Variants in GPR176 observed in about 807,000 individuals in gnomAD.
GPR176 encodes the protein G protein-coupled receptor 176.
In GPR176, 26 loss-of-function variants were observed where a neutral mutation model predicts 35.4. The observed-to-expected ratio is 0.74, with a 90% CI of 0.54 to 1.02. GPR176 has a LOEUF of 1.02. GPR176 is among the 50% of genes least tolerant of loss of function. GPR176 has a pLI of 0.00. For missense variants in GPR176, 597 were observed against 665.3 expected (o/e 0.90, Z 1.13); for synonymous variants, 278 against 271.3 (o/e 1.02, Z -0.24).
At chr15:39,834,492 C>A (rs933440534) in intron 1 of GPR176, among the ~76,000 whole-genome samples, 6 of 152,032 alleles carry the variant, frequency 3.9e-5, no homozygotes, top group Admixed American at 3.9e-4. Context: ...CATTATACCA[C>A]TTAAGATTAG....
intron 2 of GPR176, among the ~76,000 whole-genome samples, chr15:39,804,496 G>A (rs1198173379): frequency 6.6e-6 from 1 of 151,914 alleles, no homozygotes; most frequent in African/African-American, 2.4e-5. Context: ...ATTTCTTACT[G>A]TTTTCGTATT....
intron 1 of GPR176, among the ~76,000 whole-genome samples, chr15:39,825,022 C>A (rs1205956837): frequency 6.6e-6 from 1 of 152,082 alleles, no homozygotes; most frequent in Non-Finnish European, 1.5e-5. Context: ...CTAGGCAACA[C>A]AGGGAGACCC....
chr15:39,853,916 C>T (rs1388598088), intron 1 of GPR176, among the ~76,000 whole-genome samples: 2 of 152,090 alleles, frequency 1.3e-5, no homozygotes, highest in Non-Finnish European at 2.9e-5. Context: ...GTTAGCCTTA[C>T]AATTATCATC....
intron 1 of GPR176, among the ~76,000 whole-genome samples, chr15:39,866,870 T>G (rs2031852718): frequency 6.6e-6 from 1 of 152,062 alleles, no homozygotes; most frequent in Non-Finnish European, 1.5e-5. Flanking sequence ...AAAGTCAGAT[T>G]GGAAAGCATA....
chr15:39,874,599 A>T (rs1257412041), intron 1 of GPR176, among the ~76,000 whole-genome samples: 2 of 152,322 alleles, frequency 1.3e-5, no homozygotes, highest in East Asian at 3.9e-4. Context: ...TCTCTTGCAT[A>T]CTTAGGGAAG....
chr15:39,807,491 C>A (rs1899272199), intron 1 of GPR176: 1 of 1,303,886 alleles, frequency 7.7e-7, no homozygotes, highest in South Asian at 1.6e-5. Context: ...GTGAGTTTCT[C>A]TATTTAATTT....
intron 1 of GPR176, among the ~76,000 whole-genome samples, chr15:39,886,867 G>A (rs60236211): frequency 6.6e-6 from 1 of 152,260 alleles, no homozygotes; most frequent in African/African-American, 2.4e-5. Context: ...CAGATTGTGT[G>A]GGTATCCTAA....
chr15:39,842,983 C>T (rs1566948137), intron 1 of GPR176, among the ~76,000 whole-genome samples: 1 of 151,816 alleles, frequency 6.6e-6, no homozygotes, highest in East Asian at 1.9e-4. Context: ...TTCTTGGAAT[C>T]ATACTCAAAG....
chr15:39,816,794 C>A (rs1899935032), intron 1 of GPR176, among the ~76,000 whole-genome samples: 1 of 152,150 alleles, frequency 6.6e-6, no homozygotes, highest in South Asian at 2.1e-4. Context: ...GTGGCTCACA[C>A]CTGTAATCCC....
intron 1 of GPR176, among the ~76,000 whole-genome samples, chr15:39,858,873 A>C (rs1249036317): frequency 6.6e-6 from 1 of 151,996 alleles, no homozygotes; most frequent in Non-Finnish European, 1.5e-5. Context: ...CAGACTCCTG[A>C]GTAGCTGGGA....
chr15:39,919,883 C>A lies in GPR176; in HGVS notation c.144G>T (p.Gln48His). The A allele has an allele frequency of 1.3e-6, 2 of 1,495,496 alleles. No individual in the cohort carries two copies. Among genetic ancestry groups the A allele is most frequent in the Admixed American group, 2.4e-5 (1 of 40,986 alleles). 92.6% of individuals were successfully genotyped at this position (1,495,496 alleles called of 1,614,324 possible). The part of the protein sequence containing the change: ...QLYRQFTTTV[Q>H]VVIFIGSLLG... ...GCAGCGAGCCTATGAAGATGACGAC[C>A]TGCACGGTGGTGGTGAACTGGCGGT... The change falls in exon 1 of 3, where the codon CAG (glutamine) becomes CAT (histidine). Residue 48 changes from glutamine (Q) to histidine (H), a missense_variant. By Grantham distance (24) the Gln-to-His change is conservative. Transcript: ENST00000561100.
At chr15:39,889,670 A>C (rs1009907395) in intron 1 of GPR176, among the ~76,000 whole-genome samples, 3 of 152,166 alleles carry the variant, frequency 2.0e-5, no homozygotes, top group Non-Finnish European at 4.4e-5. Flanking sequence ...AAATATGAGA[A>C]CGCTAGGGTC....
At chr15:39,820,244 A>C (rs1259111811) in intron 1 of GPR176, among the ~76,000 whole-genome samples, 2 of 152,210 alleles carry the variant, frequency 1.3e-5, no homozygotes, top group Admixed American at 1.3e-4. Context: ...AGCCAGATCC[A>C]GGACGAGGCA....
chr15:39,860,329 G>A (rs1241035605), intron 1 of GPR176, among the ~76,000 whole-genome samples: 1 of 152,190 alleles, frequency 6.6e-6, no homozygotes, highest in East Asian at 1.9e-4. Flanking sequence ...CATCGATGCT[G>A]GGAAAAAGCA....
At chr15:39,886,391 G>T (rs1245577382) in intron 1 of GPR176, among the ~76,000 whole-genome samples, 1 of 152,128 alleles carries the variant, frequency 6.6e-6, no homozygotes, top group Non-Finnish European at 1.5e-5. Context: ...CTGGGGACTT[G>T]TTCCAGCCCT....
chr15:39,831,247 C>T (rs1331312650), intron 1 of GPR176, among the ~76,000 whole-genome samples: 6 of 152,150 alleles, frequency 3.9e-5, no homozygotes, highest in African/African-American at 1.2e-4. Context: ...GTTCCTCTTT[C>T]GTGTCTGTTT....
intron 1 of GPR176, among the ~76,000 whole-genome samples, chr15:39,876,854 G>GAGAGAGAGGGAGAGAGGGAGGGAGGC (rs1566959685): frequency 2.0e-5 from 3 of 151,616 alleles, no homozygotes; most frequent in Non-Finnish European, 4.4e-5. Flanking sequence ...GGGAGGGAGG[G>GAGAGAGAGGGAGAGAGGGAGGGAGGC]AGAGAGAGAA....
intron 1 of GPR176, among the ~76,000 whole-genome samples, chr15:39,852,132 AGAAT>A (rs1293772395): frequency 2.6e-5 from 4 of 152,190 alleles, no homozygotes; most frequent in Non-Finnish European, 4.4e-5. Flanking sequence ...AAAGAAAAAA[AGAAT>A]GATGAATTTT....
chr15:39,863,435 T>A (rs2031695216), intron 1 of GPR176, among the ~76,000 whole-genome samples: 2 of 152,020 alleles, frequency 1.3e-5, no homozygotes, highest in African/African-American at 4.8e-5. Context: ...AGCTATACAA[T>A]GTGTTTTAAG....
Sources: gnomAD v4.1 joint callset for allele counts (sites outside exome capture counted in the v4.1 genomes callset) on GRCh38, gnomAD v4.1.1 for gene constraint, MANE v1.5 for transcripts, NCBI Gene and HGNC (gene_info 2026-07-23, HGNC 2026-07-21) for gene names.